TLN2: variants seen among roughly 807,000 people sequenced by gnomAD.
TLN2 encodes the protein talin 2.
TLN2 carries 118 observed loss-of-function variants against 294.7 expected under a neutral mutation model. That is an observed-to-expected ratio of 0.40 (90% confidence interval 0.34 to 0.47). TLN2 has a LOEUF of 0.47. TLN2 is among the 20% of genes least tolerant of loss of function. The probability of loss-of-function intolerance (pLI) is 0.84; values close to 1 mark genes in which losing one functional copy is unlikely to be tolerated. For missense variants in TLN2, 3,083 were observed against 3,282.2 expected (o/e 0.94, Z 1.48); for synonymous variants, 1,431 against 1,304.5 (o/e 1.10, Z -2.09).
At chr15:62,409,234 A>G (rs1944488597) in intron 1 of TLN2, among the ~76,000 whole-genome samples, 1 of 152,082 alleles carries the variant, frequency 6.6e-6, no homozygotes, top group South Asian at 2.1e-4. Context: ...CAGCCTCCCA[A>G]AGAGCTGGGA....
chr15:62,393,890 C>A (rs1291884751), intron 1 of TLN2, among the ~76,000 whole-genome samples: 2 of 150,366 alleles, frequency 1.3e-5, no homozygotes, highest in Non-Finnish European at 2.9e-5. Flanking sequence ...GCTCTGTCAC[C>A]TCAGCCTTCC....
chr15:62,649,759 A>G (rs1282952751), intron 4 of TLN2, among the ~76,000 whole-genome samples: 1 of 152,146 alleles, frequency 6.6e-6, no homozygotes, highest in Admixed American at 6.5e-5. Context: ...TCTGGTTTTT[A>G]TAGCAAGGGA....
intron 45 of TLN2, among the ~76,000 whole-genome samples, chr15:62,791,327 C>A (rs897462946): frequency 9.9e-5 from 15 of 152,150 alleles, no homozygotes; most frequent in African/African-American, 3.6e-4. Context: ...GCCCTCCAGC[C>A]TAGGTGACAG....
chr15:62,766,576 C>A (rs928378579), intron 41 of TLN2, among the ~76,000 whole-genome samples, 154 bp downstream of exon 41: 5 of 152,230 alleles, frequency 3.3e-5, no homozygotes, highest in Admixed American at 6.5e-5. Context: ...AACACTGAAC[C>A]TCTCTCTGGC....
At chr15:62,702,938 A>G (rs374278985) in intron 19 of TLN2, 74 bp downstream of exon 19, 5 of 1,365,332 alleles carry the variant, frequency 3.7e-6, no homozygotes, top group African/African-American at 1.4e-5. Flanking sequence ...GCAGAATGTA[A>G]TATTTGAAAA....
intron 3 of TLN2, among the ~76,000 whole-genome samples, chr15:62,620,964 G>T (rs28710304): frequency 6.6e-6 from 1 of 150,694 alleles, no homozygotes; most frequent in African/African-American, 2.4e-5. Flanking sequence ...TCAGCCTCCA[G>T]AGTAGCTGGG....
At chr15:62,413,876 G>T (rs1274426736) in intron 1 of TLN2, among the ~76,000 whole-genome samples, 1 of 152,052 alleles carries the variant, frequency 6.6e-6, no homozygotes, top group African/African-American at 2.4e-5. Context: ...GGTTAAAAAT[G>T]GTTTAATGTG....
chr15:62,824,685 C>G (rs575200523), intron 54 of TLN2, among the ~76,000 whole-genome samples: 2 of 151,296 alleles, frequency 1.3e-5, no homozygotes, highest in East Asian at 1.9e-4. Flanking sequence ...AATAAGCCAA[C>G]AATCGGAAAG....
intron 2 of TLN2, among the ~76,000 whole-genome samples, chr15:62,610,531 G>C (rs1266727028): frequency 2.6e-5 from 4 of 152,158 alleles, no homozygotes; most frequent in Non-Finnish European, 2.9e-5. Context: ...GCTTAGGAAC[G>C]CTAGACAGCA....
At chr15:62,685,452 C>T (rs981547963) in intron 11 of TLN2, among the ~76,000 whole-genome samples, 4 of 152,144 alleles carry the variant, frequency 2.6e-5, no homozygotes, top group African/African-American at 9.7e-5. Flanking sequence ...CTTCATGTGG[C>T]ATAATCTTTA....
intron 34 of TLN2, among the ~76,000 whole-genome samples, 188 bp downstream of exon 34, chr15:62,750,679 A>G (rs947501250): frequency 6.6e-6 from 1 of 152,122 alleles, no homozygotes; most frequent in Non-Finnish European, 1.5e-5. Flanking sequence ...AATCACCTGG[A>G]GGGCTTGTTA....
At chr15:62,553,937 CT>C (rs145432218) in intron 1 of TLN2, among the ~76,000 whole-genome samples, 849 of 138,130 alleles carry the variant, frequency 6.1e-3, no homozygotes, top group Admixed American at 0.01. Flanking sequence ...TTAATCTAAT[CT>C]TTTTTTTTTT....
intron 9 of TLN2, among the ~76,000 whole-genome samples, chr15:62,673,310 C>CTTTTTTTTTGTTTTTTTTTT (rs2055688257): frequency 2.3e-5 from 1 of 42,856 alleles, no homozygotes; most frequent in African/African-American, 7.5e-5. Context: ...TTAGATGTTG[C>CTTTTTTTTTGTTTTTTTTTT]TTTTTTTTTT....
At chr15:62,804,226 C>A (rs549994154) in intron 50 of TLN2, among the ~76,000 whole-genome samples, 36 of 152,262 alleles carry the variant, frequency 2.4e-4, no homozygotes, top group African/African-American at 8.2e-4. Context: ...TGGTGGTGAT[C>A]AAAGAGACTT....
At chr15:62,679,117 T>C (rs990127288) in intron 11 of TLN2, among the ~76,000 whole-genome samples, 1 of 151,256 alleles carries the variant, frequency 6.6e-6, no homozygotes, top group Non-Finnish European at 1.5e-5. Flanking sequence ...AAAAGTCTGA[T>C]AATAACAAGT....
chr15:62,552,815 G>T (rs1030342739), intron 1 of TLN2, among the ~76,000 whole-genome samples: 5 of 152,208 alleles, frequency 3.3e-5, no homozygotes, highest in Non-Finnish European at 7.3e-5. Context: ...CAAAAATTTT[G>T]TGATCAGAGG....
intron 9 of TLN2, among the ~76,000 whole-genome samples, chr15:62,664,005 C>A (rs1013746712): frequency 2.6e-5 from 4 of 151,946 alleles, no homozygotes; most frequent in Admixed American, 6.5e-5. Flanking sequence ...AGGACTCATA[C>A]AACTACCACA....
intron 1 of TLN2, among the ~76,000 whole-genome samples, chr15:62,426,373 C>G (rs1164382332): frequency 2.0e-5 from 3 of 152,262 alleles, no homozygotes; most frequent in Non-Finnish European, 2.9e-5. Context: ...AAAGCCGTTG[C>G]TGCCCTCCTG....
chr15:62,405,756 A>T (rs2033358101), intron 1 of TLN2, among the ~76,000 whole-genome samples: 1 of 152,190 alleles, frequency 6.6e-6, no homozygotes, highest in Non-Finnish European at 1.5e-5. Context: ...CTGCTCTGAC[A>T]GAAGGAGTAG....
Sources: gnomAD v4.1 joint callset for allele counts (sites outside exome capture counted in the v4.1 genomes callset) on GRCh38, gnomAD v4.1.1 for gene constraint, MANE v1.5 for transcripts, NCBI Gene and HGNC (gene_info 2026-07-23, HGNC 2026-07-21) for gene names.